FSHR: variants seen among roughly 807,000 people sequenced by gnomAD.
The protein encoded by FSHR is follicle-stimulating hormone receptor.
In FSHR, 46 loss-of-function variants were observed where a neutral mutation model predicts 52.1. The ratio of observed to expected loss-of-function variants is 0.88; its 90% CI spans 0.70 to 1.13. The LOEUF (loss-of-function observed/expected upper bound fraction) is 1.13, where lower values mean the gene tolerates loss of function less well. FSHR is among the 50% of genes most tolerant of loss of function. The probability of loss-of-function intolerance (pLI) is 0.00; values close to 1 mark genes in which losing one functional copy is unlikely to be tolerated. For synonymous variants in FSHR, 399 were observed against 309.6 expected (o/e 1.29, Z -3.03); for missense variants, 964 against 834.6 (o/e 1.16, Z -1.91).
At chr2:49,092,885 C>G (rs1200622814) in intron 1 of FSHR, among the ~76,000 whole-genome samples, 1 of 152,114 alleles carries the variant, frequency 6.6e-6, no homozygotes, top group Non-Finnish European at 1.5e-5. Context: ...AGGCTGGTCT[C>G]GAACTCCTGA....
chr2:49,017,902 G>A (rs528537403), intron 3 of FSHR, among the ~76,000 whole-genome samples: 1 of 152,262 alleles, frequency 6.6e-6, no homozygotes, highest in South Asian at 2.1e-4. Context: ...AATCGCCCAG[G>A]GTTGGAGGAG....
At chr2:49,062,046 A>G (rs1175743786) in intron 2 of FSHR, among the ~76,000 whole-genome samples, 1 of 151,756 alleles carries the variant, frequency 6.6e-6, no homozygotes, top group Non-Finnish European at 1.5e-5. Flanking sequence ...TTAAATTGCA[A>G]TTCAGACCAA....
At chr2:48,980,160 C>T (rs186258210) in intron 8 of FSHR, among the ~76,000 whole-genome samples, 205 of 152,264 alleles carry the variant, frequency 1.3e-3, no homozygotes, top group Admixed American at 4.1e-3. Context: ...TCTTTTGGCC[C>T]CAGGGGGAAA....
chr2:49,052,238 C>G lies in FSHR; in HGVS notation c.224+15981G>C, dbSNP rs540163051. On this transcript the variant is annotated intron_variant, in intron 2 of 9. Transcript: ENST00000406846. The stretch of plus-strand genomic sequence containing the variant: ...TCCCAATCACACTAAATATGACACC[C>G]AAATACATCCCCATGGTCTATCAGG... 5.3e-5 allele frequency among the ~76,000 whole-genome samples: 8 copies of G among 151,152 alleles called. No individual in the cohort carries two copies. In the South Asian group the frequency reaches 8.3e-4, roughly 16 times the overall value.
chr2:48,967,054 G>A (rs1436285809), intron 9 of FSHR, among the ~76,000 whole-genome samples: 1 of 152,146 alleles, frequency 6.6e-6, no homozygotes, highest in African/African-American at 2.4e-5. Context: ...GTTGGAACTG[G>A]GCCAAATAGC....
intron 2 of FSHR, among the ~76,000 whole-genome samples, chr2:49,026,529 G>A (rs184168401): frequency 3.3e-5 from 5 of 152,164 alleles, no homozygotes; most frequent in African/African-American, 9.7e-5. Context: ...ATAAGTCAAA[G>A]TTCCAAGCAG....
rs1241942862 is a variant in FSHR at position 48,962,759 on chromosome 2, G to T, written c.2062C>A (p.Pro688Thr). ...TAGTTTTGGGCTAAATGACTTAGAG[G>T]GACAAGTATGTAAGTGGAACCACTG... is the stretch of plus-strand genomic sequence containing the variant. ...VTSGSTYILV[P>T]LSHLAQN The change falls in exon 10 of 10, where the codon CCT (proline) becomes ACT (threonine). Residue 688 changes from proline (P) to threonine (T), a missense_variant. Physicochemically the swap from Pro to Thr is conservative, Grantham distance 38. Coordinates refer to ENST00000406846, the MANE Select transcript of FSHR (RefSeq NM_000145.4). 2 of 1,613,974 alleles carry T rather than the reference G, an allele frequency of 1.2e-6. No individual in the cohort carries two copies. Among genetic ancestry groups the T allele is most frequent in the East Asian group, 4.5e-5 (2 of 44,874 alleles).
intron 1 of FSHR, among the ~76,000 whole-genome samples, chr2:49,076,438 CCGCCCCCT>C (rs1217680679): frequency 6.6e-6 from 1 of 151,928 alleles, no homozygotes. Flanking sequence ...CGGGAAAAAC[CCGCCCCCT>C]TGATTCAATT....
At chr2:48,964,125 T>C (rs1674365993) in intron 9 of FSHR, among the ~76,000 whole-genome samples, 159 bp from the exon 10 acceptor site, 1 of 152,046 alleles carries the variant, frequency 6.6e-6, no homozygotes, top group Admixed American at 6.6e-5. Flanking sequence ...CAAGGGTTAA[T>C]GCTGCTTACT....
intron 1 of FSHR, among the ~76,000 whole-genome samples, chr2:49,149,786 TAAAA>T (rs931178025): frequency 6.6e-6 from 1 of 151,486 alleles, no homozygotes; most frequent in African/African-American, 2.4e-5. Flanking sequence ...AGAAAGAAAA[TAAAA>T]AGAGGAAAAG....
intron 1 of FSHR, among the ~76,000 whole-genome samples, chr2:49,142,579 C>T (rs1672727965): frequency 6.6e-6 from 1 of 152,116 alleles, no homozygotes; most frequent in Non-Finnish European, 1.5e-5. Flanking sequence ...AGTAGGCAGT[C>T]ATAAAACATG....
chr2:49,099,170 A>G (rs1484334048), intron 1 of FSHR, among the ~76,000 whole-genome samples: 2 of 151,916 alleles, frequency 1.3e-5, no homozygotes, highest in East Asian at 3.9e-4. Context: ...CCCAAATCTC[A>G]TCTTGAATTG....
At chr2:49,036,062 T>C (rs1264220649) in intron 2 of FSHR, among the ~76,000 whole-genome samples, 1 of 152,358 alleles carries the variant, frequency 6.6e-6, no homozygotes, top group Non-Finnish European at 1.5e-5. Flanking sequence ...ATATAGATAC[T>C]GTATCTGTTA....
intron 4 of FSHR, among the ~76,000 whole-genome samples, chr2:49,004,120 A>G (rs1020902190): frequency 6.6e-6 from 1 of 152,158 alleles, no homozygotes; most frequent in African/African-American, 2.4e-5. Flanking sequence ...AGGCCCTGCC[A>G]AGGATTTCTC....
At chr2:49,011,317 G>A (rs1437161361) in intron 4 of FSHR, among the ~76,000 whole-genome samples, 1 of 152,050 alleles carries the variant, frequency 6.6e-6, no homozygotes, top group Non-Finnish European at 1.5e-5. Context: ...AGGTTGTTCA[G>A]TTTCCATGTA....
intron 1 of FSHR, among the ~76,000 whole-genome samples, chr2:49,089,965 A>C (rs1452064063): frequency 6.6e-6 from 1 of 152,214 alleles, no homozygotes; most frequent in East Asian, 1.9e-4. Flanking sequence ...ACCAGTGGCT[A>C]AAAGGCAAAA....
At chr2:49,007,314 T>G (rs1667107626) in intron 4 of FSHR, among the ~76,000 whole-genome samples, 1 of 152,132 alleles carries the variant, frequency 6.6e-6, no homozygotes, top group African/African-American at 2.4e-5. Context: ...ACATCTCCTG[T>G]AAAATGGCTG....
intron 1 of FSHR, among the ~76,000 whole-genome samples, chr2:49,070,717 T>G (rs374721332): frequency 1.3e-5 from 2 of 152,302 alleles, no homozygotes; most frequent in East Asian, 3.9e-4. Context: ...ATTAAGTAGT[T>G]CAAACTTATT....
At chr2:49,070,372 A>C (rs1669683864) in intron 1 of FSHR, among the ~76,000 whole-genome samples, 1 of 152,146 alleles carries the variant, frequency 6.6e-6, no homozygotes, top group South Asian at 2.1e-4. Context: ...ATCTATCTAA[A>C]ATTAATCAAA....
Sources: allele counts gnomAD v4.1 joint callset (sites outside exome capture counted in the v4.1 genomes callset), GRCh38; gene constraint gnomAD v4.1.1; transcripts MANE v1.5; gene names NCBI Gene and HGNC (gene_info 2026-07-23, HGNC 2026-07-21).